OR9Q1: variants seen among roughly 807,000 people sequenced by gnomAD.
The protein encoded by OR9Q1 is olfactory receptor family 9 subfamily Q member 1, also known as olfactory receptor 9Q1.
For synonymous variants in OR9Q1, 153 were observed against 148.6 expected, an observed-to-expected ratio of 1.03 and a Z score of -0.22; for missense variants, 374 against 378.8, an observed-to-expected ratio of 0.99 and a Z score of 0.11.
In OR9Q1 at chr11:58,084,636, CATACACAA is replaced by C. The variant is rs1482072208; in HGVS notation, c.-15+28692_-15+28699del. On this transcript the variant is annotated intron_variant, in intron 2 of 2. Coordinates refer to ENST00000335397, the MANE Select transcript of OR9Q1 (RefSeq NM_001005212.4). ...TTCCTGGGTTGCAAGGCTGGTTCAA[CATACACAA>C]ATCAATAAATGTGATTCATCACATA... is the stretch of plus-strand genomic sequence containing the variant. Among the ~76,000 whole-genome samples the C allele has an allele frequency of 1.3e-5, 2 of 151,882 alleles. 1 individual carries two copies. Among genetic ancestry groups the C allele is most frequent in the African/African-American group, 4.9e-5 (2 of 41,184 alleles).
chr11:58,119,111 A>C (rs759165467), intron 2 of OR9Q1: 7 of 1,613,710 alleles, frequency 4.3e-6, no homozygotes. Flanking sequence ...AGCAGAAAGC[A>C]CTCTGTGCCT....
intron 1 of OR9Q1, among the ~76,000 whole-genome samples, chr11:58,030,276 A>T (rs759540441): frequency 2.0e-5 from 3 of 151,996 alleles, no homozygotes; most frequent in Non-Finnish European, 2.9e-5. Context: ...CTTTCCCTTA[A>T]TTTGGTTGCT....
At chr11:58,123,282 C>A (rs918040507) in intron 2 of OR9Q1, among the ~76,000 whole-genome samples, 4 of 152,176 alleles carry the variant, frequency 2.6e-5, no homozygotes, top group African/African-American at 9.7e-5. Flanking sequence ...AAAGAAATCT[C>A]CCTGCAGTTA....
intron 2 of OR9Q1, among the ~76,000 whole-genome samples, chr11:58,099,546 G>A (rs775335191): frequency 3.2e-4 from 48 of 152,034 alleles, no homozygotes; most frequent in Non-Finnish European, 5.6e-4. Flanking sequence ...CTTATGCTTA[G>A]TGTTTGTGTG....
At chr11:58,066,996 G>A (rs533262954) in intron 2 of OR9Q1, among the ~76,000 whole-genome samples, 1 of 152,002 alleles carries the variant, frequency 6.6e-6, no homozygotes, top group African/African-American at 2.4e-5. Flanking sequence ...GGGAGGGCTG[G>A]CTGCAGGGTT....
At chr11:58,041,695 A>C (rs1383605518) in intron 1 of OR9Q1, 1 of 152,276 alleles carries the variant, frequency 6.6e-6, no homozygotes, top group East Asian at 1.9e-4. Context: ...AGGGAGAAAG[A>C]GAAACTGGGT....
At chr11:58,057,487 T>C (rs1235942775) in intron 2 of OR9Q1, among the ~76,000 whole-genome samples, 3 of 152,178 alleles carry the variant, frequency 2.0e-5, no homozygotes, top group Admixed American at 6.5e-5. Flanking sequence ...TAGCATTACC[T>C]CTCTGACTAC....
intron 2 of OR9Q1, among the ~76,000 whole-genome samples, chr11:58,114,563 G>C (rs1014019129): frequency 1.3e-5 from 2 of 152,074 alleles, no homozygotes; most frequent in African/African-American, 2.4e-5. Flanking sequence ...GCAAACATTG[G>C]GTCTGGGGAT....
At chr11:58,065,998 C>T (rs574752387) in intron 2 of OR9Q1, among the ~76,000 whole-genome samples, 34 of 152,228 alleles carry the variant, frequency 2.2e-4, no homozygotes, top group Admixed American at 8.5e-4. Flanking sequence ...CGGAGAGGGG[C>T]GCTGTCCTGG....
chr11:58,109,579 A>G (rs1157307959), intron 2 of OR9Q1: 1 of 457,436 alleles, frequency 2.2e-6, no homozygotes, highest in Non-Finnish European at 4.4e-6. Flanking sequence ...AAACACTAGG[A>G]AGAGTGGAAC....
chr11:58,108,408 G>A (rs913012764), intron 2 of OR9Q1, among the ~76,000 whole-genome samples: 1 of 152,112 alleles, frequency 6.6e-6, no homozygotes, highest in Non-Finnish European at 1.5e-5. Flanking sequence ...GTTGGATATG[G>A]TAATCAGTTC....
At chr11:58,045,136 A>G (rs919243835) in intron 1 of OR9Q1, 2 of 152,336 alleles carry the variant, frequency 1.3e-5, no homozygotes, top group Middle Eastern at 3.4e-3. Flanking sequence ...GCATATGCAA[A>G]TATTTCAAAA....
chr11:58,028,797 G>A (rs139402123), intron 1 of OR9Q1, among the ~76,000 whole-genome samples: 1 of 152,322 alleles, frequency 6.6e-6, no homozygotes, highest in Non-Finnish European at 1.5e-5. Flanking sequence ...TGGCGAAGAC[G>A]CACGCAGAAA....
chr11:58,115,644 G>C (rs1355798186), intron 2 of OR9Q1, among the ~76,000 whole-genome samples: 1 of 152,162 alleles, frequency 6.6e-6, no homozygotes, highest in African/African-American at 2.4e-5. Flanking sequence ...GCCAAGGAAA[G>C]AGAGGTGTGT....
In OR9Q1 at chr11:58,066,688, G is replaced by A. The variant is rs965732994; in HGVS notation, c.-15+10741G>A. Among the ~76,000 whole-genome samples, 3 of 152,280 alleles carry A rather than the reference G, an allele frequency of 2.0e-5. No homozygotes were observed. The South Asian group carries it at 6.2e-4, about 32-fold the overall frequency. On this transcript the variant is annotated intron_variant, in intron 2 of 2. Coordinates refer to ENST00000335397, the MANE Select transcript of OR9Q1 (RefSeq NM_001005212.4). ...GCAGAGACAGCCCCAGGGTATAGGAGTGGGAAGGATGCCCTTCCCATCCAC... is the reference window on the plus strand; with the variant it reads ...GCAGAGACAGCCCCAGGGTATAGGAATGGGAAGGATGCCCTTCCCATCCAC...
chr11:58,170,582 C>G (rs989799668), intron 2 of OR9Q1, among the ~76,000 whole-genome samples: 67 of 152,156 alleles, frequency 4.4e-4, no homozygotes, highest in African/African-American at 1.5e-3. Context: ...TGAATTGTAG[C>G]TTCCATAATT....
chr11:58,085,169 G>C (rs1245027998), intron 2 of OR9Q1, among the ~76,000 whole-genome samples: 1 of 151,754 alleles, frequency 6.6e-6, no homozygotes, highest in Non-Finnish European at 1.5e-5. Context: ...TTAGTCACCT[G>C]CTTCTAATAT....
chr11:58,036,494 A>G (rs1293465466), intron 1 of OR9Q1, among the ~76,000 whole-genome samples: 2 of 152,246 alleles, frequency 1.3e-5, no homozygotes, highest in East Asian at 3.8e-4. Flanking sequence ...TGGTAAGGCT[A>G]TAGCTGCCAT....
At chr11:58,120,168 A>C (rs111926666) in intron 2 of OR9Q1, among the ~76,000 whole-genome samples, 1 of 152,114 alleles carries the variant, frequency 6.6e-6, no homozygotes, top group African/African-American at 2.4e-5. Context: ...ATTGCATTTT[A>C]TATTTTTTAG....
Sources: allele counts gnomAD v4.1 joint callset (sites outside exome capture counted in the v4.1 genomes callset), GRCh38; gene constraint gnomAD v4.1.1; transcripts MANE v1.5; gene names NCBI Gene and HGNC (gene_info 2026-07-23, HGNC 2026-07-21).